Variants in GTF2IRD1 observed in about 807,000 individuals in gnomAD.
The protein encoded by GTF2IRD1 is general transcription factor II-I repeat domain-containing protein 1.
Under a neutral mutation model 113.2 loss-of-function variants are expected in GTF2IRD1, and 26 were observed. The observed-to-expected ratio is 0.23, with a 90% CI of 0.17 to 0.32. The LOEUF (loss-of-function observed/expected upper bound fraction) is 0.32, where lower values mean the gene tolerates loss of function less well. Among genes scored for constraint, GTF2IRD1 ranks in the 10% least tolerant of loss-of-function variants. GTF2IRD1 has a pLI of 1.00. For missense variants in GTF2IRD1, 864 were observed against 1,280.8 expected (o/e 0.67, Z 4.97); for synonymous variants, 484 against 529.1 (o/e 0.91, Z 1.17).
At chr7:74,596,941 G>T (rs1250038107) in intron 25 of GTF2IRD1, among the ~76,000 whole-genome samples, 1 of 152,132 alleles carries the variant, frequency 6.6e-6, no homozygotes, top group Non-Finnish European at 1.5e-5. Flanking sequence ...GGCACTTGTA[G>T]TCCCAGGAGG....
intron 9 of GTF2IRD1, among the ~76,000 whole-genome samples, chr7:74,532,877 C>G (rs1247781030): frequency 6.6e-6 from 1 of 152,174 alleles, no homozygotes; most frequent in Non-Finnish European, 1.5e-5. Flanking sequence ...TTCTTTCCTC[C>G]TACATTCCCC....
chr7:74,535,195 C>T (rs894101073), intron 10 of GTF2IRD1, 57 bp downstream of exon 10: 2 of 1,401,494 alleles, frequency 1.4e-6, no homozygotes, highest in Admixed American at 1.7e-5. Context: ...CCCAACAGAA[C>T]CCGAGCTGCC....
At chr7:74,481,002 C>A (rs37615) in intron 1 of GTF2IRD1, among the ~76,000 whole-genome samples, 95,506 of 152,048 alleles carry the variant, frequency 0.63, 30,886 homozygotes, top group Admixed American at 0.74. Flanking sequence ...AAGAGGCAGG[C>A]GGCTCCCTCA....
At chr7:74,570,698 G>A (rs1326774296) in intron 22 of GTF2IRD1, among the ~76,000 whole-genome samples, 1 of 152,134 alleles carries the variant, frequency 6.6e-6, no homozygotes, top group African/African-American at 2.4e-5. Flanking sequence ...AGTGGTTAAC[G>A]TTTTTTAAAA....
intron 22 of GTF2IRD1, among the ~76,000 whole-genome samples, chr7:74,584,069 G>C (rs1801583417): frequency 6.6e-6 from 1 of 152,106 alleles, no homozygotes; most frequent in Non-Finnish European, 1.5e-5. Flanking sequence ...ATTTTGCCAT[G>C]GGGGAGGACA....
chr7:74,507,950 G>A, intron 1 of GTF2IRD1, 125 bp from the exon 2 acceptor site: 2 of 1,053,820 alleles, frequency 1.9e-6, no homozygotes, highest in Non-Finnish European at 2.7e-6. Context: ...GCCCAGGGAA[G>A]GTCAGCCCTG....
At chr7:74,554,695 C>A (rs1246052706) in intron 17 of GTF2IRD1, among the ~76,000 whole-genome samples, 1 of 152,150 alleles carries the variant, frequency 6.6e-6, no homozygotes, top group Non-Finnish European at 1.5e-5. Flanking sequence ...CCTGCCACCA[C>A]ACCTGGCTAA....
intron 24 of GTF2IRD1, 40 bp from the exon 25 acceptor site, chr7:74,594,974 C>T: frequency 6.6e-7 from 1 of 1,509,314 alleles, no homozygotes; most frequent in South Asian, 1.1e-5. Context: ...GAGGGGAAAA[C>T]CTCATTTTCT....
intron 22 of GTF2IRD1, among the ~76,000 whole-genome samples, chr7:74,573,527 C>T (rs186940625): frequency 6.6e-6 from 1 of 152,164 alleles, no homozygotes. Flanking sequence ...AACCCTTTCC[C>T]CAGCGAAGAC....
In GTF2IRD1 at chr7:74,461,975, C is replaced by G. The variant is rs376133300; in HGVS notation, c.-7+7799C>G. Among the ~76,000 whole-genome samples, 62 of 152,312 alleles carry G rather than the reference C, an allele frequency of 4.1e-4. 1 individual carries two copies. The South Asian group carries it at 0.012, about 31-fold the overall frequency. ...CACCCTTATGTCGTCCAACCCCCGT[C>G]AAGACATAGAACAGCGCTTTGGGAG... is the stretch of plus-strand genomic sequence containing the variant. On this transcript the variant is annotated intron_variant, in intron 1 of 26. Transcript: ENST00000424337.
chr7:74,493,593 G>C (rs1427740800), intron 1 of GTF2IRD1, among the ~76,000 whole-genome samples: 1 of 152,006 alleles, frequency 6.6e-6, no homozygotes, highest in Non-Finnish European at 1.5e-5. Flanking sequence ...AGCCTATCTC[G>C]GGTCTCTAAG....
At chr7:74,500,398 CAT>C (rs1795966729) in intron 1 of GTF2IRD1, among the ~76,000 whole-genome samples, 2 of 145,080 alleles carry the variant, frequency 1.4e-5, no homozygotes, top group African/African-American at 5.1e-5. Flanking sequence ...GCCTGGGAAA[CAT>C]AGTGAGACCC....
chr7:74,555,080 C>T lies in GTF2IRD1; in HGVS notation c.1917-94C>T. 8.8e-7 allele frequency: 1 copy of T among 1,141,596 alleles called. No homozygotes were observed. Among genetic ancestry groups the T allele is most frequent in the Non-Finnish European group, 1.3e-6 (1 of 780,544 alleles). 70.7% of individuals were successfully genotyped at this position (1,141,596 alleles called of 1,614,324 possible). A position where few individuals can be genotyped will look rare whatever the true frequency, so the allele number is the denominator to read the frequency against. On this transcript the variant is annotated intron_variant, in intron 17 of 26. Coordinates refer to ENST00000424337, the MANE Select transcript of GTF2IRD1 (RefSeq NM_005685.4). This position sits in a 1 kb window ranked among gnomAD's most constrained non-coding sequence, Gnocchi z 5.3. Reference sequence around the variant, plus strand: ...TATGCATAGCCAGAAGGGTCCATTGCAGGGCTGTGTAGACTGAGGCCCAGA... The same window carrying T: ...TATGCATAGCCAGAAGGGTCCATTGTAGGGCTGTGTAGACTGAGGCCCAGA...
intron 1 of GTF2IRD1, among the ~76,000 whole-genome samples, chr7:74,478,789 A>G (rs1356012337): frequency 1.3e-5 from 2 of 151,482 alleles, no homozygotes; most frequent in East Asian, 1.9e-4. Flanking sequence ...TGTATTGTCC[A>G]GGCTGGAGTG....
At chr7:74,573,957 T>G (rs1339482142) in intron 22 of GTF2IRD1, among the ~76,000 whole-genome samples, 1 of 152,096 alleles carries the variant, frequency 6.6e-6, no homozygotes, top group African/African-American at 2.4e-5. Flanking sequence ...CTTTTATTAT[T>G]ATTTCATTAT....
At chr7:74,472,177 A>G (rs1554332572) in intron 1 of GTF2IRD1, among the ~76,000 whole-genome samples, 1 of 152,066 alleles carries the variant, frequency 6.6e-6, no homozygotes, top group African/African-American at 2.4e-5. Context: ...CATCCCTTCT[A>G]CCAATGGTGA....
intron 24 of GTF2IRD1, among the ~76,000 whole-genome samples, chr7:74,593,974 C>T (rs1342469652): frequency 1.3e-5 from 2 of 151,698 alleles, no homozygotes; most frequent in East Asian, 1.9e-4. Context: ...CCAAGGCGGG[C>T]AGTTCACGAG....
chr7:74,554,345 A>G (rs1799478104), intron 17 of GTF2IRD1, among the ~76,000 whole-genome samples: 1 of 152,152 alleles, frequency 6.6e-6, no homozygotes, highest in African/African-American at 2.4e-5. Context: ...CTGTATGACA[A>G]AGAAGGTTGA....
chr7:74,521,128 AG>A, intron 6 of GTF2IRD1, 79 bp from the exon 7 acceptor site: 1 of 781,914 alleles, frequency 1.3e-6, no homozygotes, highest in Non-Finnish European at 2.3e-6. Context: ...CCCCAGAGCC[AG>A]GGCCTGTGCA....
Sources: gnomAD v4.1 joint callset for allele counts (sites outside exome capture counted in the v4.1 genomes callset) on GRCh38, gnomAD v4.1.1 for gene constraint, Gnocchi (gnomAD v3.1) non-coding constraint, MANE v1.5 for transcripts, NCBI Gene and HGNC (gene_info 2026-07-23, HGNC 2026-07-21) for gene names.